Variants in CWC27 observed in about 807,000 individuals in gnomAD.
CWC27 encodes the protein CWC27 spliceosome associated cyclophilin.
Under a neutral mutation model 63.6 loss-of-function variants are expected in CWC27, and 47 were observed. The observed-to-expected ratio is 0.74, with a 90% confidence interval of 0.58 to 0.94. CWC27 has a LOEUF of 0.94. Ranked by LOEUF, CWC27 falls within the 40% of genes least tolerant of loss-of-function variation. The pLI, the probability that CWC27 is intolerant of heterozygous loss-of-function variation, is 0.00. For synonymous variants in CWC27, 175 were observed against 179.8 expected, an observed-to-expected ratio of 0.97 and a Z score of 0.22; for missense variants, 495 against 554.3, an observed-to-expected ratio of 0.89 and a Z score of 1.07.
At chr5:64,973,256 G>A (rs1183165965) in intron 12 of CWC27, among the ~76,000 whole-genome samples, 1 of 152,180 alleles carries the variant, frequency 6.6e-6, no homozygotes, top group Non-Finnish European at 1.5e-5. Flanking sequence ...AAAGGCCATG[G>A]GGAACCATTG....
chr5:64,926,279 T>C (rs1359135695), intron 11 of CWC27, among the ~76,000 whole-genome samples: 1 of 151,748 alleles, frequency 6.6e-6, no homozygotes, highest in African/African-American at 2.4e-5. Flanking sequence ...CAAGACAAAA[T>C]TTTAACCTTA....
chr5:65,009,605 A>G (rs1229338004), intron 13 of CWC27, among the ~76,000 whole-genome samples: 1 of 152,194 alleles, frequency 6.6e-6, no homozygotes, highest in Non-Finnish European at 1.5e-5. Context: ...CTCTCCCTGC[A>G]TCCCTGTGTT....
intron 10 of CWC27, among the ~76,000 whole-genome samples, chr5:64,832,537 G>A (rs1050290206): frequency 1.3e-5 from 2 of 151,446 alleles, no homozygotes; most frequent in African/African-American, 2.4e-5. Flanking sequence ...TCATATATTC[G>A]CACAAGTGTT....
intron 1 of CWC27, among the ~76,000 whole-genome samples, chr5:64,772,709 G>GGGCGGA (rs1490387477): frequency 6.6e-6 from 1 of 150,428 alleles, no homozygotes; most frequent in African/African-American, 2.5e-5. Flanking sequence ...AGGCTGAGGC[G>GGGCGGA]GGCGGATCAT....
At chr5:64,995,693 T>C (rs989322229) in intron 13 of CWC27, among the ~76,000 whole-genome samples, 2 of 152,228 alleles carry the variant, frequency 1.3e-5, no homozygotes, top group East Asian at 1.9e-4. Flanking sequence ...TTATTTTACA[T>C]TGATTTCTTT....
At chr5:64,900,576 T>C (rs1273361246) in intron 11 of CWC27, among the ~76,000 whole-genome samples, 2 of 152,192 alleles carry the variant, frequency 1.3e-5, no homozygotes, top group African/African-American at 2.4e-5. Flanking sequence ...GTCTAACTTA[T>C]TAACTTTGTT....
At chr5:64,948,840 A>T (rs1002302673) in intron 11 of CWC27, among the ~76,000 whole-genome samples, 3 of 151,986 alleles carry the variant, frequency 2.0e-5, no homozygotes, top group Non-Finnish European at 2.9e-5. Context: ...AAATGTAGAA[A>T]TGAGTGTGAC....
chr5:64,989,577 G>C (rs1002710082), intron 13 of CWC27, among the ~76,000 whole-genome samples: 1 of 152,188 alleles, frequency 6.6e-6, no homozygotes, highest in Admixed American at 6.5e-5. Context: ...AATCACAAAA[G>C]GTGATCACCA....
At chr5:64,844,070 T>G (rs1252790920) in intron 10 of CWC27, among the ~76,000 whole-genome samples, 2 of 152,110 alleles carry the variant, frequency 1.3e-5, no homozygotes. Flanking sequence ...GTAAGAACGG[T>G]CTTATTCCAA....
chr5:64,892,981 A>G (rs866211133), intron 11 of CWC27, among the ~76,000 whole-genome samples: 1 of 152,346 alleles, frequency 6.6e-6, no homozygotes, highest in Middle Eastern at 3.4e-3. Context: ...CAGGTTAGGT[A>G]TTTGGAGCCT....
chr5:64,880,854 A>AT (rs35152901), intron 10 of CWC27, among the ~76,000 whole-genome samples: 19,619 of 135,804 alleles, frequency 0.14, 1,638 homozygotes, highest in East Asian at 0.3. Context: ...TATAAAAGCC[A>AT]TTTTTTTTTT....
At chr5:64,802,007 TAGAG>T (rs1744505812) in intron 9 of CWC27, among the ~76,000 whole-genome samples, 2 of 152,124 alleles carry the variant, frequency 1.3e-5, no homozygotes, top group Non-Finnish European at 1.5e-5. Flanking sequence ...CAGTAGTAGA[TAGAG>T]AGAGGATGAA....
intron 13 of CWC27, among the ~76,000 whole-genome samples, chr5:65,017,638 C>T (rs551173013): frequency 1.3e-5 from 2 of 152,150 alleles, no homozygotes; most frequent in African/African-American, 4.8e-5. Flanking sequence ...ATTTTTTAAA[C>T]CAGCAAATTC....
At chr5:64,901,766 T>G (rs1747516681) in intron 11 of CWC27, among the ~76,000 whole-genome samples, 1 of 152,226 alleles carries the variant, frequency 6.6e-6, no homozygotes, top group South Asian at 2.1e-4. Context: ...AAAACACAAA[T>G]ACATTATACA....
chr5:64,772,876 G>T (rs1321579941), intron 1 of CWC27, among the ~76,000 whole-genome samples: 1 of 151,620 alleles, frequency 6.6e-6, no homozygotes, highest in East Asian at 1.9e-4. Context: ...AGCAGAGGTT[G>T]CAGTGAGCCG....
intron 11 of CWC27, among the ~76,000 whole-genome samples, chr5:64,886,088 T>C (rs1181774657): frequency 6.6e-6 from 1 of 152,182 alleles, no homozygotes; most frequent in African/African-American, 2.4e-5. Context: ...TTTACTCTTA[T>C]GTTAAGACAT....
At chr5:64,992,843 CT>C (rs1749563446) in intron 13 of CWC27, among the ~76,000 whole-genome samples, 1 of 152,050 alleles carries the variant, frequency 6.6e-6, no homozygotes, top group Non-Finnish European at 1.5e-5. Flanking sequence ...ACTTTCTACA[CT>C]TTTTTAAAGA....
chr5:64,906,028 C>T (rs552678914), intron 11 of CWC27, among the ~76,000 whole-genome samples: 74 of 152,178 alleles, frequency 4.9e-4, no homozygotes, highest in African/African-American at 1.6e-3. Context: ...TTTATGGCTG[C>T]GTAGTATTCC....
chr5:64,800,435 A>G, intron 8 of CWC27, 108 bp downstream of exon 8: 1 of 633,830 alleles, frequency 1.6e-6, no homozygotes, highest in East Asian at 3.1e-5. Context: ...AAAATTTTTA[A>G]GCCAGCCAAA....
Sources: allele counts gnomAD v4.1 joint callset (sites outside exome capture counted in the v4.1 genomes callset), GRCh38; gene constraint gnomAD v4.1.1; transcripts MANE v1.5; gene names NCBI Gene and HGNC (gene_info 2026-07-23, HGNC 2026-07-21).